The following SFI1 variants were observed in gnomAD, a reference collection of about 807,000 sequenced individuals.
The protein encoded by SFI1 is SFI1 centrin binding protein.
Under a neutral mutation model 207.5 loss-of-function variants are expected in SFI1, and 195 were observed. The observed-to-expected ratio is 0.94, with a 90% CI of 0.84 to 1.06. SFI1 has a LOEUF of 1.06. Ranked by LOEUF, SFI1 falls within the 50% of genes least tolerant of loss-of-function variation. The pLI, the probability that SFI1 is intolerant of heterozygous loss-of-function variation, is 0.00. For synonymous variants in SFI1, 630 were observed against 598.9 expected, an observed-to-expected ratio of 1.05 and a Z score of -0.76; for missense variants, 1,634 against 1,588.0, an observed-to-expected ratio of 1.03 and a Z score of -0.49.
At chr22:31,604,262 C>G (rs2147060489) in intron 18 of SFI1, 47 bp from the exon 19 acceptor site, 1 of 1,486,812 alleles carries the variant, frequency 6.7e-7, no homozygotes, top group East Asian at 2.4e-5. Flanking sequence ...AAGCCACCCC[C>G]AACTCAGACC....
At chr22:31,545,279 C>A (rs562718480) in intron 4 of SFI1, among the ~76,000 whole-genome samples, 1 of 151,930 alleles carries the variant, frequency 6.6e-6, no homozygotes. Context: ...TCAGGGAAAT[C>A]GCTTGAAGCC....
chr22:31,498,313 T>G (rs1046183132), intron 1 of SFI1, among the ~76,000 whole-genome samples: 1 of 150,398 alleles, frequency 6.6e-6, no homozygotes, highest in African/African-American at 2.5e-5. Context: ...AATATATATA[T>G]ATTTTGTGAC....
chr22:31,605,978 A>G (rs557356220), intron 20 of SFI1: 35 of 253,504 alleles, frequency 1.4e-4, no homozygotes, highest in African/African-American at 7.4e-4. Context: ...GCTGAGGCGT[A>G]GGCAACCTTC....
chr22:31,517,788 C>T (rs1207541786), intron 2 of SFI1, among the ~76,000 whole-genome samples: 1 of 152,114 alleles, frequency 6.6e-6, no homozygotes, highest in Non-Finnish European at 1.5e-5. Context: ...TACCTTGTTC[C>T]TTCGGTCAAT....
chr22:31,531,019 A>G, intron 3 of SFI1, 39 bp from the exon 4 acceptor site: 1 of 1,572,090 alleles, frequency 6.4e-7, no homozygotes, highest in East Asian at 2.2e-5. Context: ...AGCCAAATGG[A>G]ATTTTAAAAT....
chr22:31,520,869 T>G (rs2057145357), intron 2 of SFI1, among the ~76,000 whole-genome samples: 1 of 148,974 alleles, frequency 6.7e-6, no homozygotes, highest in African/African-American at 2.5e-5. Flanking sequence ...CCAGGTGTGG[T>G]AGTGCTTGCC....
rs116721123 is a variant in SFI1, at chr22:31,499,622, A to C, written c.-31+2985A>C. On this transcript the variant is annotated intron_variant, in intron 1 of 32. Coordinates refer to ENST00000400288, the MANE Select transcript of SFI1 (RefSeq NM_001007467.3). ...TTGACTTCAATTTGAAAGATGTTCT[A>C]CTGTGGGTAAAATGCTATTAAATAG... is the stretch of plus-strand genomic sequence containing the variant. Among the ~76,000 whole-genome samples, 877 of 152,314 alleles carry C rather than the reference A, an allele frequency of 5.8e-3. 6 individuals carry two copies. The highest frequency in any genetic ancestry group is 0.02 in the African/African-American group (834 of 41,556).
chr22:31,545,531 G>C (rs1415854516), intron 4 of SFI1, among the ~76,000 whole-genome samples: 1 of 150,292 alleles, frequency 6.7e-6, no homozygotes, highest in Non-Finnish European at 1.5e-5. Context: ...TTATTTTTTG[G>C]GTAGAGATGG....
intron 6 of SFI1, among the ~76,000 whole-genome samples, chr22:31,552,115 G>C (rs985167202): frequency 6.6e-6 from 1 of 152,162 alleles, no homozygotes; most frequent in African/African-American, 2.4e-5. Context: ...CCGCTTATAA[G>C]TGAGAATATG....
At chr22:31,498,027 G>A (rs2053033012) in intron 1 of SFI1, among the ~76,000 whole-genome samples, 1 of 152,204 alleles carries the variant, frequency 6.6e-6, no homozygotes. Flanking sequence ...GGGCATGGTG[G>A]CTCATGCCTG....
intron 8 of SFI1, among the ~76,000 whole-genome samples, chr22:31,565,785 G>T (rs1375282125): frequency 6.6e-6 from 1 of 152,038 alleles, no homozygotes; most frequent in Non-Finnish European, 1.5e-5. Context: ...TTTGCAACTT[G>T]TTTTTTTAGT....
intron 4 of SFI1, among the ~76,000 whole-genome samples, 191 bp from the exon 5 acceptor site, chr22:31,546,670 T>C (rs1352130469): frequency 6.9e-6 from 1 of 145,686 alleles, no homozygotes; most frequent in African/African-American, 2.6e-5. Context: ...GGTTTCACCA[T>C]GTTAGCCAGG....
At chr22:31,618,050 C>T (rs2072092434) in intron 31 of SFI1, 65 bp from the exon 32 acceptor site, 1 of 1,504,956 alleles carries the variant, frequency 6.6e-7, no homozygotes, top group Non-Finnish European at 8.9e-7. Flanking sequence ...GGTGCCTCTC[C>T]CTGAGCCGGA....
chr22:31,559,875 G>T (rs1185640153), intron 7 of SFI1: 2 of 666,296 alleles, frequency 3.0e-6, no homozygotes, highest in African/African-American at 1.8e-5. Flanking sequence ...CTTCGTGTCC[G>T]AGGCCAGCAC....
intron 5 of SFI1, among the ~76,000 whole-genome samples, 196 bp downstream of exon 5, chr22:31,547,167 A>G (rs1047804037): frequency 6.9e-6 from 1 of 144,206 alleles, no homozygotes; most frequent in South Asian, 2.1e-4. Context: ...GTGCACACAG[A>G]CACACACACA....
chr22:31,530,555 A>G (rs969735982), intron 3 of SFI1: 21 of 467,036 alleles, frequency 4.5e-5, no homozygotes, highest in African/African-American at 4.2e-4. Flanking sequence ...TGTGCTAGGT[A>G]CTGGAGGTAC....
chr22:31,614,350 A>C, intron 27 of SFI1: 1 of 371,308 alleles, frequency 2.7e-6, no homozygotes, highest in Non-Finnish European at 5.2e-6. Flanking sequence ...CCCCATGCTG[A>C]TGAAGCTGGT....
At position 31,611,844 on chromosome 22, in the gene SFI1, G is replaced by A; in HGVS notation, c.2490+4G>A. 1 of 1,613,764 alleles carries A rather than the reference G, an allele frequency of 6.2e-7. No individual in the cohort carries two copies. Among genetic ancestry groups the A allele is most frequent in the Non-Finnish European group, 8.5e-7 (1 of 1,179,904 alleles). On this transcript the variant is annotated splice_donor_region_variant and intron_variant, in intron 24 of 32. Coordinates refer to ENST00000400288, the MANE Select transcript of SFI1 (RefSeq NM_001007467.3). Reference sequence around the variant, plus strand: ...CTTCCGCCAGTGGAGACAACAGGTGGGAACCCAGGAGATGTCCCCTCTGCA... The same window carrying A: ...CTTCCGCCAGTGGAGACAACAGGTGAGAACCCAGGAGATGTCCCCTCTGCA...
chr22:31,528,607 T>A (rs2058162867), intron 2 of SFI1, 83 bp from the exon 3 acceptor site: 7 of 1,250,128 alleles, frequency 5.6e-6, no homozygotes, highest in Non-Finnish European at 6.9e-6. Context: ...ATCTGTTTAA[T>A]TTTGCTTGTA....
Sources: gnomAD v4.1 joint callset for allele counts (sites outside exome capture counted in the v4.1 genomes callset) on GRCh38, gnomAD v4.1.1 for gene constraint, MANE v1.5 for transcripts, NCBI Gene and HGNC (gene_info 2026-07-23, HGNC 2026-07-21) for gene names.